MGMT: variants seen among roughly 807,000 people sequenced by gnomAD.
MGMT encodes methylated-DNA--protein-cysteine methyltransferase.
In MGMT, 14 loss-of-function variants were observed where a neutral mutation model predicts 15.9. The ratio of observed to expected loss-of-function variants is 0.88; its 90% confidence interval spans 0.58 to 1.37. The LOEUF (loss-of-function observed/expected upper bound fraction) is 1.37, where lower values mean the gene tolerates loss of function less well. Among genes scored for constraint, MGMT ranks in the 40% most tolerant of loss-of-function variants. The pLI is 0.00. For synonymous variants in MGMT, 130 were observed against 118.2 expected (o/e 1.10, Z -0.65); for missense variants, 282 against 268.1 (o/e 1.05, Z -0.36).
At chr10:129,519,212 G>T (rs1845777414) in intron 1 of MGMT, among the ~76,000 whole-genome samples, 1 of 152,160 alleles carries the variant, frequency 6.6e-6, no homozygotes, top group South Asian at 2.1e-4. Context: ...GGTTTTTGAA[G>T]AATTTACTGT....
At chr10:129,640,162 A>T (rs1289120979) in intron 2 of MGMT, among the ~76,000 whole-genome samples, 1 of 150,506 alleles carries the variant, frequency 6.6e-6, no homozygotes, top group East Asian at 2.0e-4. Context: ...CAGAGGCACG[A>T]TCTTGGCTCA....
In MGMT at chr10:129,695,956, C is replaced by G. The variant is rs550955803; in HGVS notation, c.126-11939C>G. Among the ~76,000 whole-genome samples, 4 of 152,270 alleles carry G rather than the reference C, an allele frequency of 2.6e-5. No individual in the cohort carries two copies. In the South Asian group the frequency reaches 8.3e-4, roughly 32 times the overall value. The stretch of plus-strand genomic sequence containing the variant: ...TGGGCTTGTCATGATTCGGGGTGAC[C>G]ACTGGCTTCCATTTCCCAGGAGTGG... On this transcript the variant is annotated intron_variant, in intron 2 of 4. Coordinates refer to ENST00000651593, the MANE Select transcript of MGMT (RefSeq NM_002412.5).
At chr10:129,513,136 T>C (rs1010243259) in intron 1 of MGMT, among the ~76,000 whole-genome samples, 12 of 152,198 alleles carry the variant, frequency 7.9e-5, no homozygotes, top group Admixed American at 7.9e-4. Context: ...CGCTGAGTGA[T>C]ATAAGCCAGT....
chr10:129,749,415 G>A (rs1297119210), intron 3 of MGMT, among the ~76,000 whole-genome samples: 2 of 152,000 alleles, frequency 1.3e-5, no homozygotes, highest in Non-Finnish European at 2.9e-5. Context: ...GGCTTCCTTT[G>A]CTTAGCAATA....
rs115595043 is a variant in MGMT at position 129,498,788 on chromosome 10, G to C, written c.-13+31492G>C. 4.4e-3 allele frequency among the ~76,000 whole-genome samples: 668 copies of C among 152,264 alleles called. 5 individuals carry two copies. The highest frequency in any genetic ancestry group is 0.015 in the African/African-American group (631 of 41,546). On this transcript the variant is annotated intron_variant, in intron 1 of 4. Transcript: ENST00000651593. Reference sequence around the variant, plus strand: ...CTCCAAGGAGCCTCTCTTCCTTTTAGCTGGAGGATGATGTTTAGCAGCCAA... The same window carrying C: ...CTCCAAGGAGCCTCTCTTCCTTTTACCTGGAGGATGATGTTTAGCAGCCAA...
intron 3 of MGMT, among the ~76,000 whole-genome samples, chr10:129,713,031 C>T (rs1201545823): frequency 6.6e-6 from 1 of 152,198 alleles, no homozygotes; most frequent in Non-Finnish European, 1.5e-5. Context: ...GGATGTTTTT[C>T]TTGTAGCTTC....
At chr10:129,742,399 G>A (rs954266386) in intron 3 of MGMT, among the ~76,000 whole-genome samples, 15 of 152,264 alleles carry the variant, frequency 9.9e-5, no homozygotes, top group South Asian at 4.1e-4. Context: ...GCGACCCGGG[G>A]CGTTCAGCAG....
At chr10:129,619,509 T>TA (rs1258292301) in intron 2 of MGMT, among the ~76,000 whole-genome samples, 2 of 152,224 alleles carry the variant, frequency 1.3e-5, no homozygotes, top group Non-Finnish European at 2.9e-5. Flanking sequence ...GCTGGCTTCA[T>TA]AAAATGAACT....
chr10:129,489,615 TC>T (rs1384976429), intron 1 of MGMT, among the ~76,000 whole-genome samples: 121 of 152,226 alleles, frequency 7.9e-4, no homozygotes, highest in African/African-American at 2.9e-3. Flanking sequence ...TCTTGCACTC[TC>T]TGTCTCTCTT....
chr10:129,518,911 G>A (rs910621153), intron 1 of MGMT, among the ~76,000 whole-genome samples: 5 of 151,886 alleles, frequency 3.3e-5, no homozygotes, highest in East Asian at 2.0e-4. Context: ...ATATTTTGCC[G>A]TTTGTATTAT....
intron 2 of MGMT, among the ~76,000 whole-genome samples, chr10:129,595,397 C>T (rs1001196838): frequency 2.0e-5 from 3 of 152,146 alleles, no homozygotes; most frequent in South Asian, 2.1e-4. Flanking sequence ...TGTTCATGCC[C>T]GTGACACACG....
intron 2 of MGMT, among the ~76,000 whole-genome samples, chr10:129,598,699 A>G (rs1411827198): frequency 6.6e-6 from 1 of 152,126 alleles, no homozygotes; most frequent in African/African-American, 2.4e-5. Flanking sequence ...CCAATCCTAA[A>G]TTTTCTTCTA....
rs1846358994 is a variant in MGMT, at chr10:129,566,739, C to T, written c.125+30362C>T. ...GTCTGGGACTTTTCTCTCGGAGGCCCCATGAAGTTGGTATTCCTCAGCTCT... is the reference window on the plus strand; with the variant it reads ...GTCTGGGACTTTTCTCTCGGAGGCCTCATGAAGTTGGTATTCCTCAGCTCT... On this transcript the variant is annotated intron_variant, in intron 2 of 4. Transcript: ENST00000651593. This position sits in a 1 kb window ranked among gnomAD's most constrained non-coding sequence, Gnocchi z 4.1. Among the ~76,000 whole-genome samples the T allele has an allele frequency of 1.3e-5, 2 of 152,098 alleles. No homozygotes were observed. The highest frequency in any genetic ancestry group is 2.1e-4 in the South Asian group (1 of 4,814).
intron 2 of MGMT, among the ~76,000 whole-genome samples, chr10:129,555,946 G>C (rs1478873529): frequency 6.6e-6 from 1 of 152,180 alleles, no homozygotes; most frequent in Non-Finnish European, 1.5e-5. Context: ...GGCATTCGGA[G>C]AACTGAGCGC....
intron 2 of MGMT, among the ~76,000 whole-genome samples, chr10:129,655,219 G>A (rs78500099): frequency 0.026 from 4,015 of 152,318 alleles, 83 homozygotes; most frequent in South Asian, 0.067. Flanking sequence ...GCAGATGCAG[G>A]GCTGCGCACT....
Position 129,766,129 on chromosome 10 carries a change from G to A in MGMT, c.415-659G>A, listed in dbSNP as rs1468302081. Among the ~76,000 whole-genome samples, 6 of 152,142 alleles carry A rather than the reference G, an allele frequency of 3.9e-5. No individual in the cohort carries two copies. In the South Asian group the frequency reaches 1.0e-3, roughly 26 times the overall value. On this transcript the variant is annotated intron_variant, in intron 4 of 4. Coordinates refer to ENST00000651593, the MANE Select transcript of MGMT (RefSeq NM_002412.5). Reference sequence around the variant, plus strand: ...CTGCGTGGTTGTGGTCCTCACTCTGGATCAGCCCCTATCAGCACAGGGCAT... The same window carrying A: ...CTGCGTGGTTGTGGTCCTCACTCTGAATCAGCCCCTATCAGCACAGGGCAT...
intron 2 of MGMT, among the ~76,000 whole-genome samples, chr10:129,592,376 G>A (rs1246964008): frequency 6.6e-6 from 1 of 152,206 alleles, no homozygotes; most frequent in Non-Finnish European, 1.5e-5. Context: ...TACCAGTGTG[G>A]CATTAACTAG....
At chr10:129,594,892 A>G (rs145550516) in intron 2 of MGMT, among the ~76,000 whole-genome samples, 5 of 152,316 alleles carry the variant, frequency 3.3e-5, no homozygotes, top group Non-Finnish European at 7.3e-5. Context: ...TGACCTTCGG[A>G]CCAGCATTGC....
chr10:129,717,238 A>G (rs1453335458), intron 3 of MGMT, among the ~76,000 whole-genome samples: 2 of 152,240 alleles, frequency 1.3e-5, no homozygotes, highest in Non-Finnish European at 2.9e-5. Context: ...AGGCATTTCA[A>G]ATTGCATCTA....
Sources: allele counts gnomAD v4.1 joint callset (sites outside exome capture counted in the v4.1 genomes callset), GRCh38; gene constraint gnomAD v4.1.1; non-coding constraint Gnocchi (gnomAD v3.1); transcripts MANE v1.5; gene names NCBI Gene and HGNC (gene_info 2026-07-23, HGNC 2026-07-21).